The following LGSN variants were observed in gnomAD, a reference collection of about 807,000 sequenced individuals.
The protein encoded by LGSN is lengsin, lens protein with glutamine synthetase domain.
Under a neutral mutation model 19.5 loss-of-function variants are expected in LGSN, and 21 were observed. The observed-to-expected ratio is 1.07, with a 90% confidence interval of 0.76 to 1.55. The LOEUF (loss-of-function observed/expected upper bound fraction) is 1.55. LGSN is among the 40% of genes most tolerant of loss of function. LGSN has a pLI of 0.00. For synonymous variants in LGSN, 257 were observed against 215.6 expected, an observed-to-expected ratio of 1.19 and a Z score of -1.68; for missense variants, 673 against 608.5, an observed-to-expected ratio of 1.11 and a Z score of -1.12.
intron 1 of LGSN, among the ~76,000 whole-genome samples, chr6:63,304,039 A>G (rs1768282385): frequency 6.6e-6 from 1 of 152,206 alleles, no homozygotes; most frequent in African/African-American, 2.4e-5. Flanking sequence ...ACACAGTGGG[A>G]AAAGGGGCCT....
At chr6:63,441,766 G>A in the LGSN span, 2 of 375,258 alleles carry the variant, frequency 5.3e-6, no homozygotes, top group South Asian at 2.3e-5. Flanking sequence ...GCCCCTGCAA[G>A]CCACTCCCCC....
At chr6:63,412,633 A>AAAGGGAAGG in the LGSN span, among the ~76,000 whole-genome samples, 21 of 141,640 alleles carry the variant, frequency 1.5e-4, no homozygotes, top group East Asian at 2.2e-3. Context: ...GAAGGGAAAG[A>AAAGGGAAGG]AAGGGAAGGA....
the LGSN span, among the ~76,000 whole-genome samples, chr6:63,334,982 C>CA: frequency 8.1e-3 from 1,141 of 140,922 alleles, 15 homozygotes; most frequent in East Asian, 0.035. Context: ...ACTAAAAATA[C>CA]AAAAAAAAAA....
At chr6:63,332,022 C>T in the LGSN span, among the ~76,000 whole-genome samples, 1 of 152,216 alleles carries the variant, frequency 6.6e-6, no homozygotes, top group East Asian at 1.9e-4. Context: ...AAGAGTGACA[C>T]CTTTTGTCCT....
chr6:63,284,287 C>T (rs1313135317), intron 3 of LGSN, among the ~76,000 whole-genome samples: 1 of 150,828 alleles, frequency 6.6e-6, no homozygotes, highest in Non-Finnish European at 1.5e-5. Flanking sequence ...TTAAAATTCT[C>T]ATGATAAACT....
the LGSN span, among the ~76,000 whole-genome samples, chr6:63,504,434 A>T: frequency 1.3e-5 from 2 of 151,962 alleles, no homozygotes; most frequent in East Asian, 3.9e-4. Flanking sequence ...TAGAGACAGG[A>T]TTTCACAGTG....
the LGSN span, among the ~76,000 whole-genome samples, chr6:63,419,883 A>C: frequency 1.1e-4 from 1 of 9,196 alleles, no homozygotes. Flanking sequence ...TCCCTCCCAA[A>C]AAAAAAAAAA....
At chr6:63,472,755 G>A in the LGSN span, among the ~76,000 whole-genome samples, 447 of 151,866 alleles carry the variant, frequency 2.9e-3, 3 homozygotes, top group African/African-American at 0.01. Flanking sequence ...CCTGGCTAAC[G>A]CAGTGAAACC....
the LGSN span, among the ~76,000 whole-genome samples, chr6:63,359,589 C>G: frequency 6.6e-6 from 1 of 152,090 alleles, no homozygotes; most frequent in African/African-American, 2.4e-5. Context: ...GGAATTTATC[C>G]CTTTCTTCCA....
the LGSN span, among the ~76,000 whole-genome samples, chr6:63,384,441 C>T: frequency 6.6e-6 from 1 of 151,998 alleles, no homozygotes; most frequent in Non-Finnish European, 1.5e-5. Context: ...TACGTTGAAG[C>T]TCTAACTCCC....
the LGSN span, chr6:63,548,793 C>A: frequency 1.4e-6 from 1 of 727,610 alleles, no homozygotes; most frequent in Non-Finnish European, 2.5e-6. Flanking sequence ...CAGGACATTG[C>A]CTCCCCAGTG....
chr6:63,305,996 G>A lies in LGSN; in HGVS notation c.31-10951C>T, dbSNP rs566310226. ...GCATAAGAATCGCTTAAACCCAGGAGGTGGAGGTTACAGTGAGCCAAGATC... is the reference window on the plus strand; with the variant it reads ...GCATAAGAATCGCTTAAACCCAGGAAGTGGAGGTTACAGTGAGCCAAGATC... On this transcript the variant is annotated intron_variant, in intron 1 of 3. Transcript: ENST00000370657. 3.9e-5 allele frequency among the ~76,000 whole-genome samples: 6 copies of A among 152,276 alleles called. No homozygotes were observed. The East Asian group carries it at 1.2e-3, about 29-fold the overall frequency.
At chr6:63,546,024 T>TATA in the LGSN span, among the ~76,000 whole-genome samples, 1 of 152,302 alleles carries the variant, frequency 6.6e-6, no homozygotes, top group East Asian at 1.9e-4. Flanking sequence ...CACTTCAGGG[T>TATA]ATATATCCAA....
At chr6:63,566,848 A>G in the LGSN span, among the ~76,000 whole-genome samples, 1 of 152,226 alleles carries the variant, frequency 6.6e-6, no homozygotes. Context: ...CAGTCCTCTT[A>G]AAACTCACCC....
chr6:63,385,287 T>C, the LGSN span, among the ~76,000 whole-genome samples: 2 of 152,176 alleles, frequency 1.3e-5, no homozygotes, highest in African/African-American at 4.8e-5. Flanking sequence ...TGAGAACTGG[T>C]TTCCATGTTG....
chr6:63,343,091 G>T, the LGSN span, among the ~76,000 whole-genome samples: 2 of 151,978 alleles, frequency 1.3e-5, no homozygotes, highest in African/African-American at 4.8e-5. Context: ...TTCCTTAATT[G>T]CAATAATGAC....
chr6:63,459,656 C>A, the LGSN span, among the ~76,000 whole-genome samples: 1 of 150,482 alleles, frequency 6.6e-6, no homozygotes, highest in East Asian at 2.0e-4. Context: ...CAGTAGTAAT[C>A]TTTTTTAAGC....
the LGSN span, among the ~76,000 whole-genome samples, chr6:63,418,822 A>G: frequency 6.6e-6 from 1 of 152,216 alleles, no homozygotes; most frequent in Non-Finnish European, 1.5e-5. Flanking sequence ...CTAGCAGGGC[A>G]GAAACCTTAT....
the LGSN span, among the ~76,000 whole-genome samples, chr6:63,358,267 G>T: frequency 6.6e-6 from 1 of 152,224 alleles, no homozygotes; most frequent in East Asian, 1.9e-4. Context: ...CAGGTAGCAT[G>T]ATGCCTCCAG....
Sources: gnomAD v4.1 joint callset for allele counts (sites outside exome capture counted in the v4.1 genomes callset) on GRCh38, gnomAD v4.1.1 for gene constraint, MANE v1.5 for transcripts, NCBI Gene and HGNC (gene_info 2026-07-23, HGNC 2026-07-21) for gene names.